Variants in FSIP1 observed in about 807,000 individuals in gnomAD.
The protein encoded by FSIP1 is fibrous sheath-interacting protein 1.
FSIP1 carries 65 observed loss-of-function variants against 60.9 expected under a neutral mutation model. That is an observed-to-expected ratio of 1.07 (90% CI 0.87 to 1.31). FSIP1 has a LOEUF of 1.31. Ranked by LOEUF, FSIP1 falls within the 40% of genes most tolerant of loss-of-function variation. The probability of loss-of-function intolerance (pLI) is 0.00; values close to 1 mark genes in which losing one functional copy is unlikely to be tolerated. For missense variants in FSIP1, 675 were observed against 665.5 expected (o/e 1.01, Z -0.16); for synonymous variants, 209 against 221.2 (o/e 0.94, Z 0.49).
Position 39,613,109 on chromosome 15 carries a change from T to C in FSIP1, c.1699+4626A>G, listed in dbSNP as rs1418799006. 2.6e-5 allele frequency among the ~76,000 whole-genome samples: 4 copies of C among 152,230 alleles called. No homozygotes were observed. In the East Asian group the frequency reaches 7.7e-4, roughly 29 times the overall value. ...ATTAACAATGAATAGGTCTGGACAA[T>C]GATTTTATCTTCTACACTTTTCTGT... On this transcript the variant is annotated intron_variant, in intron 11 of 11. Coordinates refer to ENST00000350221, the MANE Select transcript of FSIP1 (RefSeq NM_152597.5).
chr15:39,725,795 T>A (rs915966118), intron 9 of FSIP1, among the ~76,000 whole-genome samples: 6 of 152,180 alleles, frequency 3.9e-5, no homozygotes, highest in African/African-American at 1.4e-4. Context: ...GATTTTTTTT[T>A]TTTTTTTGAC....
chr15:39,721,407 C>T (rs985974792), intron 9 of FSIP1, among the ~76,000 whole-genome samples: 1 of 152,200 alleles, frequency 6.6e-6, no homozygotes, highest in Non-Finnish European at 1.5e-5. Flanking sequence ...TCTGTGCTCC[C>T]GCAGCATACA....
chr15:39,735,493 G>A (rs1016107034), intron 8 of FSIP1, among the ~76,000 whole-genome samples: 1 of 152,208 alleles, frequency 6.6e-6, no homozygotes, highest in Non-Finnish European at 1.5e-5. Context: ...ACTTAACCAT[G>A]AGTGGAGCTT....
intron 10 of FSIP1, among the ~76,000 whole-genome samples, chr15:39,706,119 C>G (rs1895258898): frequency 6.6e-6 from 1 of 151,960 alleles, no homozygotes; most frequent in Admixed American, 6.6e-5. Flanking sequence ...CTTTGACATT[C>G]CCTTCTTTGA....
At chr15:39,617,616 G>T in intron 11 of FSIP1, 119 bp downstream of exon 11, 2 of 805,006 alleles carry the variant, frequency 2.5e-6, no homozygotes, top group Non-Finnish European at 4.0e-6. Flanking sequence ...TACTCTTATT[G>T]ACGCTACCTG....
chr15:39,762,024 G>A (rs1233095490), intron 5 of FSIP1, among the ~76,000 whole-genome samples: 2 of 152,194 alleles, frequency 1.3e-5, no homozygotes, highest in African/African-American at 4.8e-5. Context: ...CCTGGAGCAG[G>A]TCAGGGGGCC....
intron 10 of FSIP1, among the ~76,000 whole-genome samples, chr15:39,626,563 T>C (rs1165905107): frequency 6.6e-6 from 1 of 152,088 alleles, no homozygotes; most frequent in East Asian, 1.9e-4. Context: ...AGGGATCTAG[T>C]GGGAGGTGAT....
chr15:39,737,934 ATC>A (rs2140632884), intron 8 of FSIP1, among the ~76,000 whole-genome samples, 155 bp downstream of exon 8: 1 of 152,228 alleles, frequency 6.6e-6, no homozygotes, highest in South Asian at 2.1e-4. Flanking sequence ...GTATTTTGTT[ATC>A]TGTTCCTGTG....
At position 39,629,918 on chromosome 15, in the gene FSIP1, TC is replaced by T. The variant is rs535829397; in HGVS notation, c.1189-11674del. Reference sequence around the variant, plus strand: ...GTCAGTCCTGACAAATTTCATCAGATCTGATTTTCCTCTTGGGTATAAATCT... The same window carrying T: ...GTCAGTCCTGACAAATTTCATCAGATTGATTTTCCTCTTGGGTATAAATCT... On this transcript the variant is annotated intron_variant, in intron 10 of 11. Transcript: ENST00000350221. Among the ~76,000 whole-genome samples, 340 of 152,352 alleles carry T rather than the reference TC, an allele frequency of 2.2e-3. 1 individual carries two copies. The highest frequency in any genetic ancestry group is 4.2e-3 in the Non-Finnish European group (288 of 68,036).
chr15:39,703,118 G>A (rs1230310939), intron 10 of FSIP1, among the ~76,000 whole-genome samples: 1 of 151,810 alleles, frequency 6.6e-6, no homozygotes, highest in African/African-American at 2.4e-5. Flanking sequence ...GAATAACTGG[G>A]ATTACAGGCA....
chr15:39,713,763 C>G (rs1895625148), intron 9 of FSIP1, among the ~76,000 whole-genome samples, 182 bp from the exon 10 acceptor site: 1 of 152,122 alleles, frequency 6.6e-6, no homozygotes, highest in Admixed American at 6.5e-5. Context: ...TCCAACTGTA[C>G]ATATAACAAG....
chr15:39,774,053 C>T (rs543722225), intron 2 of FSIP1, among the ~76,000 whole-genome samples: 64 of 152,170 alleles, frequency 4.2e-4, no homozygotes, highest in South Asian at 4.2e-3. Flanking sequence ...GTTAATAGAT[C>T]AACTGAGATA....
chr15:39,606,187 T>C (rs189387245), intron 11 of FSIP1, among the ~76,000 whole-genome samples: 3 of 152,368 alleles, frequency 2.0e-5, no homozygotes, highest in Middle Eastern at 3.4e-3. Flanking sequence ...TGCTAGAGAC[T>C]GAGGATTTCC....
intron 9 of FSIP1, among the ~76,000 whole-genome samples, chr15:39,723,866 T>A (rs907818332): frequency 7.9e-5 from 12 of 152,242 alleles, no homozygotes; most frequent in African/African-American, 2.9e-4. Context: ...ATAATATCCC[T>A]AAAATACTTT....
intron 10 of FSIP1, among the ~76,000 whole-genome samples, chr15:39,704,603 C>T (rs1350846668): frequency 6.6e-6 from 1 of 152,178 alleles, no homozygotes; most frequent in Non-Finnish European, 1.5e-5. Flanking sequence ...TCTGAAAAAT[C>T]ATTTAGCTGC....
intron 10 of FSIP1, among the ~76,000 whole-genome samples, chr15:39,663,576 C>A (rs1893385059): frequency 6.6e-6 from 1 of 152,028 alleles, no homozygotes; most frequent in East Asian, 1.9e-4. Context: ...AGGAACTGTA[C>A]TTGGCACAAT....
intron 2 of FSIP1, 42 bp downstream of exon 2, chr15:39,776,357 G>T: frequency 6.3e-7 from 1 of 1,592,266 alleles, no homozygotes; most frequent in South Asian, 1.1e-5. Flanking sequence ...ACTGCTGAGA[G>T]GTTGGGGAAA....
intron 10 of FSIP1, among the ~76,000 whole-genome samples, chr15:39,623,432 G>C (rs969100092): frequency 2.0e-5 from 3 of 152,182 alleles, no homozygotes; most frequent in African/African-American, 7.2e-5. Context: ...TCACAAGTGA[G>C]AAAAGGGTGG....
chr15:39,690,499 G>A (rs938262992), intron 10 of FSIP1, among the ~76,000 whole-genome samples: 1 of 152,130 alleles, frequency 6.6e-6, no homozygotes, highest in African/African-American at 2.4e-5. Context: ...ATTAGTCTAT[G>A]TTATTAGCAA....
Sources: allele counts gnomAD v4.1 joint callset (sites outside exome capture counted in the v4.1 genomes callset), GRCh38; gene constraint gnomAD v4.1.1; transcripts MANE v1.5; gene names NCBI Gene and HGNC (gene_info 2026-07-23, HGNC 2026-07-21).